The following MTUS2 variants were observed in gnomAD, a reference collection of about 807,000 sequenced individuals.
MTUS2 encodes microtubule-associated tumor suppressor candidate 2.
A neutral mutation model predicts 114.1 loss-of-function variants in MTUS2; 40 were observed. The observed-to-expected ratio is 0.35, with a 90% CI of 0.27 to 0.46. The LOEUF (loss-of-function observed/expected upper bound fraction) is 0.46. Ranked by LOEUF, MTUS2 falls within the 20% of genes least tolerant of loss-of-function variation. MTUS2 has a pLI of 1.00. For missense variants in MTUS2, 1,679 were observed against 1,705.4 expected, an observed-to-expected ratio of 0.98 and a Z score of 0.27; for synonymous variants, 688 against 672.0, an observed-to-expected ratio of 1.02 and a Z score of -0.37.
At chr13:29,212,708 A>G (rs1197667476) in intron 5 of MTUS2, among the ~76,000 whole-genome samples, 1 of 152,278 alleles carries the variant, frequency 6.6e-6, no homozygotes, top group Non-Finnish European at 1.5e-5. Flanking sequence ...CTGGATGAGG[A>G]AGTACATAGA....
intron 5 of MTUS2, among the ~76,000 whole-genome samples, chr13:29,244,229 A>G (rs1012682467): frequency 2.8e-4 from 42 of 152,320 alleles, no homozygotes; most frequent in African/African-American, 9.9e-4. Flanking sequence ...AGTTGGGGAC[A>G]CACAGTCCTA....
chr13:28,891,646 G>A (rs1027917758), intron 2 of MTUS2, among the ~76,000 whole-genome samples: 3 of 152,022 alleles, frequency 2.0e-5, no homozygotes, highest in Non-Finnish European at 4.4e-5. Flanking sequence ...TTGGGAGGCC[G>A]AGGTGGGCGG....
Position 29,480,044 on chromosome 13 carries a change from C to T in MTUS2, c.3185-106C>T, listed in dbSNP as rs954312293. 2.4e-5 allele frequency: 27 copies of T among 1,143,616 alleles called. No homozygotes were observed. Among genetic ancestry groups the T allele is most frequent in the African/African-American group, 3.1e-5 (2 of 64,378 alleles). 70.8% of individuals were successfully genotyped at this position (1,143,616 alleles called of 1,614,324 possible). ...TAGCCCTGCAGAAGTCAGAGGACCT[C>T]GCCCTGTTTATTACGCCAGCCTTGA... On this transcript the variant is annotated intron_variant, in intron 9 of 15. Coordinates refer to ENST00000612955, the MANE Select transcript of MTUS2 (RefSeq NM_001033602.4). The surrounding 1 kb of genome is among the most constrained non-coding windows in gnomAD (Gnocchi z 4.4).
chr13:29,398,675 A>G (rs188908249), intron 8 of MTUS2, among the ~76,000 whole-genome samples: 9 of 152,260 alleles, frequency 5.9e-5, no homozygotes, highest in Non-Finnish European at 1.3e-4. Flanking sequence ...CTCCTAGAGG[A>G]ATGGATTCTC....
chr13:28,860,618 G>C lies in MTUS2; in HGVS notation c.-243+20768G>C, dbSNP rs563774981. 3.3e-5 allele frequency among the ~76,000 whole-genome samples: 5 copies of C among 152,300 alleles called. No individual in the cohort carries two copies. The East Asian group carries it at 9.6e-4, about 29-fold the overall frequency. On this transcript the variant is annotated intron_variant, in intron 2 of 15. Transcript: ENST00000612955. ...CAGCCTAGTGGGGGACATGCACGAG[G>C]CTTATCCCTGGATGTTTGGAGTCTG...
intron 6 of MTUS2, among the ~76,000 whole-genome samples, chr13:29,312,045 C>T (rs898052204): frequency 1.3e-5 from 2 of 152,170 alleles, no homozygotes; most frequent in African/African-American, 4.8e-5. Flanking sequence ...ATCACTGCCC[C>T]CACATCCCTC....
intron 2 of MTUS2, among the ~76,000 whole-genome samples, chr13:28,934,006 C>T (rs897918369): frequency 1.3e-5 from 2 of 152,190 alleles, no homozygotes; most frequent in Non-Finnish European, 2.9e-5. Context: ...TTAATTGCAA[C>T]AAATTCTGAA....
At chr13:29,386,399 G>C (rs1332392048) in intron 8 of MTUS2, among the ~76,000 whole-genome samples, 1 of 152,200 alleles carries the variant, frequency 6.6e-6, no homozygotes, top group African/African-American at 2.4e-5. Context: ...GACTTGACAG[G>C]TTTCTTGCTG....
chr13:28,996,947 G>A (rs1885141656), intron 2 of MTUS2, among the ~76,000 whole-genome samples: 1 of 152,038 alleles, frequency 6.6e-6, no homozygotes, highest in Admixed American at 6.5e-5. Flanking sequence ...GCTTTTGAAT[G>A]TGTTTGCTCC....
At chr13:29,474,892 A>G (rs182998156) in intron 9 of MTUS2, among the ~76,000 whole-genome samples, 1 of 152,290 alleles carries the variant, frequency 6.6e-6, no homozygotes, top group East Asian at 1.9e-4. Context: ...TGTCTGTTTT[A>G]TTCCACCTAC....
chr13:28,951,316 T>C (rs1002966530), intron 2 of MTUS2, among the ~76,000 whole-genome samples: 2 of 152,222 alleles, frequency 1.3e-5, no homozygotes, highest in African/African-American at 2.4e-5. Context: ...TAATATTAAG[T>C]TTTCCAATCC....
chr13:29,041,611 G>T (rs777333696), intron 4 of MTUS2, among the ~76,000 whole-genome samples: 19 of 151,988 alleles, frequency 1.3e-4, no homozygotes, highest in Non-Finnish European at 2.5e-4. Flanking sequence ...TGTCATCTGT[G>T]ATTTTTTTCG....
intron 8 of MTUS2, among the ~76,000 whole-genome samples, chr13:29,407,534 A>G (rs1481737956): frequency 3.3e-5 from 5 of 151,134 alleles, no homozygotes; most frequent in Non-Finnish European, 2.9e-5. Context: ...CTGGAGTGCA[A>G]TGGCGCGATC....
chr13:29,373,412 G>T (rs1024210875), intron 8 of MTUS2, among the ~76,000 whole-genome samples: 1 of 152,276 alleles, frequency 6.6e-6, no homozygotes, highest in East Asian at 1.9e-4. Flanking sequence ...TTGGCTCGAG[G>T]ACTAACAAGG....
chr13:29,341,163 C>A (rs1593324156), intron 7 of MTUS2, among the ~76,000 whole-genome samples: 1 of 152,118 alleles, frequency 6.6e-6, no homozygotes. Context: ...TGGGTAGATA[C>A]CCAGTAGTGG....
At chr13:29,300,734 T>C (rs926200500) in intron 6 of MTUS2, among the ~76,000 whole-genome samples, 9 of 152,148 alleles carry the variant, frequency 5.9e-5, no homozygotes, top group African/African-American at 2.2e-4. Flanking sequence ...TAGTTCTTCA[T>C]GGGGTGTAGT....
chr13:29,442,714 G>A (rs1461987423), intron 9 of MTUS2, among the ~76,000 whole-genome samples: 3 of 152,152 alleles, frequency 2.0e-5, no homozygotes, highest in Non-Finnish European at 4.4e-5. Context: ...TGCTGCAGTG[G>A]CCCAGGGTGC....
At chr13:29,209,286 C>T (rs1367964562) in intron 5 of MTUS2, among the ~76,000 whole-genome samples, 2 of 152,050 alleles carry the variant, frequency 1.3e-5, no homozygotes, top group Non-Finnish European at 2.9e-5. Context: ...TATCTTTTTC[C>T]ACCCCCTACC....
intron 8 of MTUS2, chr13:29,428,537 C>T (rs1876729569): frequency 5.9e-6 from 3 of 508,956 alleles, no homozygotes; most frequent in Admixed American, 3.8e-5. Flanking sequence ...TGATTTGCCT[C>T]ACCCTGAGGA....
Sources: allele counts gnomAD v4.1 joint callset (sites outside exome capture counted in the v4.1 genomes callset), GRCh38; gene constraint gnomAD v4.1.1; non-coding constraint Gnocchi (gnomAD v3.1); transcripts MANE v1.5; gene names NCBI Gene and HGNC (gene_info 2026-07-23, HGNC 2026-07-21).